The following NDC80 variants were observed in gnomAD, a reference collection of about 807,000 sequenced individuals.
NDC80 encodes the protein kinetochore protein NDC80 homolog.
NDC80 carries 69 observed loss-of-function variants against 89.3 expected under a neutral mutation model. That is an observed-to-expected ratio of 0.77 (90% CI 0.64 to 0.94). NDC80 has a LOEUF of 0.94. NDC80 is among the 40% of genes least tolerant of loss of function. NDC80 has a pLI of 0.00. For missense variants in NDC80, 593 were observed against 739.6 expected (o/e 0.80, Z 2.30); for synonymous variants, 243 against 255.6 (o/e 0.95, Z 0.47).
At chr18:2,593,190 G>A (rs1243410289) in intron 10 of NDC80, among the ~76,000 whole-genome samples, 1 of 151,806 alleles carries the variant, frequency 6.6e-6, no homozygotes, top group Admixed American at 6.6e-5. Flanking sequence ...AAGTAGCTGG[G>A]ACCACAGATG....
intron 10 of NDC80, chr18:2,593,752 CA>C: frequency 4.2e-6 from 1 of 238,090 alleles, no homozygotes. Flanking sequence ...ATCCTGGAAC[CA>C]AAGTAAGATG....
chr18:2,608,000 A>ATATATATAC (rs2072723971), intron 14 of NDC80, among the ~76,000 whole-genome samples: 1 of 39,210 alleles, frequency 2.6e-5, no homozygotes, highest in Non-Finnish European at 5.3e-5. Flanking sequence ...TATATATATA[A>ATATATATAC]CTTATTTAGC....
Position 2,578,076 on chromosome 18 carries a change from C to T in NDC80, c.411C>T (p.Cys137=). The T allele has an allele frequency of 6.2e-7, 1 of 1,614,008 alleles. No individual in the cohort carries two copies. The highest frequency in any genetic ancestry group is 8.5e-7 in the Non-Finnish European group (1 of 1,179,980). The part of the protein sequence containing the change: ...KIFTFLYGFL[C]PSYELPDTKF... Reference sequence around the variant, plus strand: ...TCACATTTCTTTATGGCTTCCTGTGCCCCTCATACGAACTTCCTGACACAA... The same window carrying T: ...TCACATTTCTTTATGGCTTCCTGTGTCCCTCATACGAACTTCCTGACACAA... Residue 137 remains cysteine (C), a synonymous_variant, in exon 5 of 17, where the codon TGC becomes TGT. Transcript: ENST00000261597.
At chr18:2,573,941 TA>T (rs11382759) in intron 2 of NDC80, among the ~76,000 whole-genome samples, 248 of 146,946 alleles carry the variant, frequency 1.7e-3, no homozygotes, top group Middle Eastern at 3.4e-3. Flanking sequence ...GAGCAGGCTC[TA>T]AAAAAAAAAA....
intron 13 of NDC80, among the ~76,000 whole-genome samples, chr18:2,601,975 A>T (rs1191046811): frequency 6.6e-6 from 1 of 152,172 alleles, no homozygotes; most frequent in African/African-American, 2.4e-5. Context: ...TGAGATCCTT[A>T]ATATCACCTA....
At position 2,599,103 on chromosome 18, in the gene NDC80, G is replaced by C; in HGVS notation, c.1306G>C (p.Asp436His). ...PKGAENSKGYDFEIKFNPEAG... is the reference protein window; with the variant it reads ...PKGAENSKGYHFEIKFNPEAG... Reference sequence around the variant, plus strand: ...AGGTGCTGAGAATTCCAAAGGTTATGACTTTGAAATTAAGTTTAATCCCGA... The same window carrying C: ...AGGTGCTGAGAATTCCAAAGGTTATCACTTTGAAATTAAGTTTAATCCCGA... The change falls in exon 12 of 17, where the codon GAC becomes CAC. Residue 436 changes from aspartate (D) to histidine (H), a missense_variant. Asp to His is a moderately conservative substitution (Grantham distance 81, BLOSUM62 -1). Transcript: ENST00000261597. 1.2e-6 allele frequency: 2 copies of C among 1,613,118 alleles called. No individual in the cohort carries two copies. The highest frequency in any genetic ancestry group is 1.7e-6 in the Non-Finnish European group (2 of 1,179,452).
intron 6 of NDC80, 27 bp downstream of exon 6, chr18:2,579,056 A>G (rs1167983243): frequency 7.3e-7 from 1 of 1,372,038 alleles, no homozygotes; most frequent in African/African-American, 1.5e-5. Flanking sequence ...TTTGAAATGT[A>G]TACATGGGAA....
intron 11 of NDC80, 41 bp from the exon 12 acceptor site, chr18:2,598,978 T>C: frequency 6.8e-7 from 1 of 1,469,438 alleles, no homozygotes; most frequent in Non-Finnish European, 9.0e-7. Context: ...ACATATGGAA[T>C]GGGGCTGCTT....
intron 12 of NDC80, among the ~76,000 whole-genome samples, chr18:2,600,120 C>T (rs1316588245): frequency 1.3e-5 from 2 of 152,084 alleles, no homozygotes; most frequent in Non-Finnish European, 2.9e-5. Flanking sequence ...TTTGACATGG[C>T]TGGTGCAAGA....
Position 2,578,015 on chromosome 18 carries a change from T to C in NDC80, c.350T>C (p.Leu117Pro). 2 of 1,614,106 alleles carry C rather than the reference T, an allele frequency of 1.2e-6. No individual in the cohort carries two copies. The highest frequency in any genetic ancestry group is 1.7e-6 in the Non-Finnish European group (2 of 1,179,958). ...GYAHNVSMKS[L>P]QAPSVKDFLK... ...GCACATAATGTGTCCATGAAATCTCTACAAGCTCCCTCTGTTAAAGACTTC... is the reference window on the plus strand; with the variant it reads ...GCACATAATGTGTCCATGAAATCTCCACAAGCTCCCTCTGTTAAAGACTTC... The change falls in exon 5 of 17, where the codon CTA becomes CCA. Residue 117 changes from leucine to proline, a missense_variant. Coordinates refer to ENST00000261597, the MANE Select transcript of NDC80 (RefSeq NM_006101.3).
intron 1 of NDC80, among the ~76,000 whole-genome samples, chr18:2,572,151 A>G (rs1267172102): frequency 6.6e-6 from 1 of 152,236 alleles, no homozygotes; most frequent in Non-Finnish European, 1.5e-5. Context: ...ACAAGCGCAT[A>G]TTGAAGAGGA....
chr18:2,610,791 A>G lies in NDC80; in HGVS notation c.1721A>G (p.Glu574Gly), dbSNP rs1335390869. 1.3e-6 allele frequency: 2 copies of G among 1,591,924 alleles called. No homozygotes were observed. The highest frequency in any genetic ancestry group is 1.3e-5 in the African/African-American group (1 of 74,536). Residue 574 changes from glutamate (E) to glycine (G), a missense_variant, in exon 16 of 17, where the codon GAA (glutamate) becomes GGA (glycine). Glu to Gly is a moderately conservative substitution (Grantham distance 98). Coordinates refer to ENST00000261597, the MANE Select transcript of NDC80 (RefSeq NM_006101.3). ...YQLVVQTTTE[E>G]RRKVGNNLQR... ...CTAGTTGTGCAAACCACGACTGAAG[A>G]AAGACGAAAAGTGGGAAATAACTTG...
intron 12 of NDC80, 26 bp downstream of exon 12, chr18:2,599,197 A>AT (rs751069922): frequency 4.4e-6 from 7 of 1,577,702 alleles, no homozygotes; most frequent in Middle Eastern, 1.7e-4. Flanking sequence ...TACTTTTAAG[A>AT]TTTTTTTAAT....
intron 10 of NDC80, among the ~76,000 whole-genome samples, chr18:2,593,286 T>C (rs1296888016): frequency 6.6e-6 from 1 of 152,090 alleles, no homozygotes; most frequent in African/African-American, 2.4e-5. Flanking sequence ...ACTCCTGACC[T>C]CAGGTGATCC....
rs1487444521 is a variant in NDC80, at chr18:2,578,025, C to A, written c.360C>A (p.Pro120=). Residue 120 remains proline, a synonymous_variant, in exon 5 of 17, where the codon CCC becomes CCA. Transcript: ENST00000261597. ...TGTCCATGAAATCTCTACAAGCTCC[C>A]TCTGTTAAAGACTTCCTGAAGATCT... ...HNVSMKSLQA[P]SVKDFLKIFT... is the part of the protein sequence containing the mutation. The A allele has an allele frequency of 6.2e-7, 1 of 1,614,030 alleles. No homozygotes were observed. The highest frequency in any genetic ancestry group is 1.7e-4 in the Middle Eastern group (1 of 6,058).
At chr18:2,587,694 C>T in intron 7 of NDC80, 136 bp from the exon 8 acceptor site, 1 of 606,184 alleles carries the variant, frequency 1.6e-6, no homozygotes, top group South Asian at 2.0e-5. Flanking sequence ...GTTTTTGTCT[C>T]TTATTTATAG....
Position 2,589,271 on chromosome 18 carries a change from A to G in NDC80, c.831A>G (p.Glu277=). The part of the protein sequence containing the change: ...SLEAKNRALN[E]QIARLEQERE... ...AAGCAAAAAACAGAGCATTGAATGA[A>G]CAGATTGCAAGATTGGAACAAGAAA... Residue 277 remains glutamate (E), a synonymous_variant, in exon 9 of 17, where the codon GAA becomes GAG. Transcript: ENST00000261597. 6.2e-7 allele frequency: 1 copy of G among 1,613,888 alleles called. No individual in the cohort carries two copies. The highest frequency in any genetic ancestry group is 8.5e-7 in the Non-Finnish European group (1 of 1,179,786).
intron 11 of NDC80, among the ~76,000 whole-genome samples, chr18:2,597,661 C>T (rs554451546): frequency 7.8e-4 from 119 of 151,746 alleles, no homozygotes; most frequent in Non-Finnish European, 1.4e-3. Context: ...AACCCGGAGG[C>T]GGAAGTTGCA....
chr18:2,597,413 A>T (rs1357827915), intron 11 of NDC80, among the ~76,000 whole-genome samples: 1 of 152,138 alleles, frequency 6.6e-6, no homozygotes, highest in South Asian at 2.1e-4. Flanking sequence ...TCTAATAAGA[A>T]ATTACTATCA....
Sources: gnomAD v4.1 joint callset for allele counts (sites outside exome capture counted in the v4.1 genomes callset) on GRCh38, gnomAD v4.1.1 for gene constraint, MANE v1.5 for transcripts, NCBI Gene and HGNC (gene_info 2026-07-23, HGNC 2026-07-21) for gene names.